The following CADPS2 variants were observed in gnomAD, a reference collection of about 807,000 sequenced individuals.
CADPS2 encodes calcium-dependent secretion activator 2.
CADPS2 carries 93 observed loss-of-function variants against 172.5 expected under a neutral mutation model. That is an observed-to-expected ratio of 0.54 (90% confidence interval 0.46 to 0.64). CADPS2 has a LOEUF of 0.64. Ranked by LOEUF, CADPS2 falls within the 30% of genes least tolerant of loss-of-function variation. CADPS2 has a pLI of 0.00. For synonymous variants in CADPS2, 546 were observed against 555.2 expected (o/e 0.98, Z 0.23); for missense variants, 1,420 against 1,565.9 (o/e 0.91, Z 1.57).
At chr7:122,599,936 C>T (rs2072497816) in intron 6 of CADPS2, among the ~76,000 whole-genome samples, 1 of 152,030 alleles carries the variant, frequency 6.6e-6, no homozygotes, top group Admixed American at 6.6e-5. Context: ...TTATATTTTA[C>T]TGTGAAATTC....
intron 2 of CADPS2, among the ~76,000 whole-genome samples, chr7:122,734,356 TAAAAAAAAAAAAAAAAAAA>T (rs558421546): frequency 8.6e-5 from 4 of 46,294 alleles, no homozygotes; most frequent in Non-Finnish European, 1.1e-4. Flanking sequence ...CCAGAAATAG[TAAAAAAAAAAAAAAAAAAA>T]AAAAAAAAAA....
chr7:122,439,085 A>T (rs1352803220), intron 16 of CADPS2, among the ~76,000 whole-genome samples: 2 of 152,096 alleles, frequency 1.3e-5, no homozygotes, highest in African/African-American at 4.8e-5. Context: ...AATACATAAA[A>T]ACTTTCTATG....
intron 4 of CADPS2, 116 bp downstream of exon 4, chr7:122,629,132 A>C (rs2076340388): frequency 4.3e-6 from 3 of 696,488 alleles, no homozygotes; most frequent in Middle Eastern, 5.6e-4. Flanking sequence ...TAGAGGAGAA[A>C]ATGTTAAAAT....
In CADPS2 at chr7:122,332,443, G is replaced by T. The variant is rs182601795; in HGVS notation, c.3613-6862C>A. Among the ~76,000 whole-genome samples, 963 of 138,166 alleles carry T rather than the reference G, an allele frequency of 7.0e-3. 9 individuals carry two copies. Among genetic ancestry groups the T allele is most frequent in the Non-Finnish European group, 9.3e-3 (594 of 64,110 alleles). 90.6% of individuals were successfully genotyped at this position (138,166 alleles called of 152,430 possible). On this transcript the variant is annotated intron_variant, in intron 28 of 29. Transcript: ENST00000449022. ...AACAGAGAAGCATGTGATTCATGCT[G>T]CTTTTTTCCATGTTGAATAAAGTCA...
chr7:122,448,278 T>C (rs1271975979), intron 15 of CADPS2, among the ~76,000 whole-genome samples: 1 of 152,156 alleles, frequency 6.6e-6, no homozygotes, highest in African/African-American at 2.4e-5. Flanking sequence ...TGAAATGTAC[T>C]TATAAAACCA....
intron 1 of CADPS2, among the ~76,000 whole-genome samples, chr7:122,819,731 C>T (rs1024270794): frequency 1.3e-5 from 2 of 152,106 alleles, no homozygotes; most frequent in Non-Finnish European, 2.9e-5. Context: ...TATTCCTGGA[C>T]TACAGCTATA....
chr7:122,487,262 C>T (rs1202018032), intron 11 of CADPS2, among the ~76,000 whole-genome samples: 6 of 152,010 alleles, frequency 3.9e-5, no homozygotes, highest in East Asian at 3.9e-4. Flanking sequence ...CCCCCCACCT[C>T]GACCTCCCAA....
intron 9 of CADPS2, among the ~76,000 whole-genome samples, chr7:122,507,794 T>C (rs1413304182): frequency 6.6e-6 from 1 of 152,136 alleles, no homozygotes; most frequent in Non-Finnish European, 1.5e-5. Context: ...TCAACTAGTA[T>C]GGTGGTGGAG....
At position 122,490,094 on chromosome 7, in the gene CADPS2, T is replaced by C. The variant is rs751531743; in HGVS notation, c.1839A>G (p.Ala613=). The change falls in exon 11 of 30, where the codon GCA becomes GCG. Residue 613 remains alanine, a synonymous_variant. Coordinates refer to ENST00000449022, the MANE Select transcript of CADPS2 (RefSeq NM_017954.11). The stretch of plus-strand genomic sequence containing the variant: ...AACAAAACTTACAAAGCTGAGCATC[T>C]GCATGGAGAGTTCCTCCTTTAGGAT... The part of the protein sequence containing the change: ...KLNPKGGTLH[A]DAQLSGKDAD... 6 of 1,613,340 alleles carry C rather than the reference T, an allele frequency of 3.7e-6. No homozygotes were observed. The South Asian group carries it at 6.6e-5, about 18-fold the overall frequency.
intron 14 of CADPS2, among the ~76,000 whole-genome samples, chr7:122,467,275 T>C (rs764392956): frequency 5.9e-5 from 9 of 152,194 alleles, no homozygotes; most frequent in Non-Finnish European, 1.3e-4. Flanking sequence ...AATTTCTATA[T>C]AGTCACATAT....
In CADPS2 at chr7:122,503,548, C is replaced by A. The variant is rs189185206; in HGVS notation, c.1542+9701G>T. 1.2e-4 allele frequency among the ~76,000 whole-genome samples: 18 copies of A among 152,242 alleles called. No individual in the cohort carries two copies. The East Asian group carries it at 3.3e-3, about 28-fold the overall frequency. On this transcript the variant is annotated intron_variant, in intron 9 of 29. Coordinates refer to ENST00000449022, the MANE Select transcript of CADPS2 (RefSeq NM_017954.11). ...AAATAGTTTAATACTAATATGATTG[C>A]TCTTTCCTATGTTGTCTTTTACAGA... is the stretch of plus-strand genomic sequence containing the variant.
intron 6 of CADPS2, among the ~76,000 whole-genome samples, chr7:122,608,451 A>T (rs567295913): frequency 6.6e-6 from 1 of 152,306 alleles, no homozygotes; most frequent in African/African-American, 2.4e-5. Flanking sequence ...CATTCTGATA[A>T]GCATTCCATT....
chr7:122,424,696 G>A (rs1000878318), intron 17 of CADPS2, among the ~76,000 whole-genome samples: 5 of 152,142 alleles, frequency 3.3e-5, no homozygotes, highest in Non-Finnish European at 5.9e-5. Context: ...TTTATGAGGC[G>A]GGAAACACAT....
intron 4 of CADPS2, among the ~76,000 whole-genome samples, chr7:122,623,907 C>T (rs1310264757): frequency 1.3e-5 from 2 of 152,124 alleles, no homozygotes; most frequent in Non-Finnish European, 2.9e-5. Context: ...CTAGCATTAG[C>T]ACAAGAACAA....
intron 15 of CADPS2, among the ~76,000 whole-genome samples, chr7:122,442,260 T>C (rs1247176598): frequency 2.0e-5 from 3 of 152,200 alleles, no homozygotes; most frequent in Non-Finnish European, 4.4e-5. Flanking sequence ...AACAGGTTTA[T>C]TGCTCTTTAC....
At chr7:122,455,333 T>C (rs1163685294) in intron 14 of CADPS2, among the ~76,000 whole-genome samples, 2 of 152,150 alleles carry the variant, frequency 1.3e-5, no homozygotes, top group African/African-American at 4.8e-5. Flanking sequence ...TTAGTGAGGT[T>C]ATCTCCAACC....
At chr7:122,547,014 A>C (rs778946795) in intron 8 of CADPS2, among the ~76,000 whole-genome samples, 6 of 152,168 alleles carry the variant, frequency 3.9e-5, no homozygotes, top group Non-Finnish European at 8.8e-5. Context: ...TAGCAGAAAG[A>C]AAGCAAATTA....
intron 1 of CADPS2, among the ~76,000 whole-genome samples, chr7:122,818,752 A>G (rs1042551652): frequency 1.3e-4 from 20 of 152,078 alleles, no homozygotes; most frequent in African/African-American, 2.2e-4. Context: ...TTTACTCTTA[A>G]AAAGGTGGCT....
At chr7:122,325,659 G>T in intron 28 of CADPS2, 78 bp from the exon 29 acceptor site, 1 of 802,798 alleles carries the variant, frequency 1.2e-6, no homozygotes, top group Non-Finnish European at 2.1e-6. Flanking sequence ...TAACAGATTC[G>T]ATAATGAGGG....
Sources: gnomAD v4.1 joint callset for allele counts (sites outside exome capture counted in the v4.1 genomes callset) on GRCh38, gnomAD v4.1.1 for gene constraint, MANE v1.5 for transcripts, NCBI Gene and HGNC (gene_info 2026-07-23, HGNC 2026-07-21) for gene names.